The following TENM1 variants were observed in gnomAD, a reference collection of about 807,000 sequenced individuals.
The protein encoded by TENM1 is teneurin-1.
Under a neutral mutation model 174.8 loss-of-function variants are expected in TENM1, and 35 were observed. That is an observed-to-expected ratio of 0.20 (90% CI 0.15 to 0.27). TENM1 has a LOEUF of 0.27. Ranked by LOEUF, TENM1 falls within the 10% of genes least tolerant of loss-of-function variation. The pLI, the probability that TENM1 is intolerant of heterozygous loss-of-function variation, is 1.00. For synonymous variants in TENM1, 781 were observed against 798.7 expected, an observed-to-expected ratio of 0.98 and a Z score of 0.37; for missense variants, 1,633 against 2,130.1, an observed-to-expected ratio of 0.77 and a Z score of 4.59.
chrX:124,380,520 G>A, exon 32 of TENM1: 1 of 1,175,741 alleles, frequency 8.5e-7, no homozygotes, highest in Non-Finnish European at 1.1e-6. Flanking sequence ...GTGACGCAAA[G>A]GCAGAGATAT....
chrX:124,730,935 T>G (rs184120620), intron 4 of TENM1, among the ~76,000 whole-genome samples: 6 of 111,547 alleles, frequency 5.4e-5, no homozygotes. Context: ...TACTCTAATA[T>G]GGAGATGAAT....
intron 18 of TENM1, among the ~76,000 whole-genome samples, chrX:124,505,098 G>A (rs2047417740): frequency 1.8e-5 from 2 of 112,082 alleles, no homozygotes; most frequent in South Asian, 7.4e-4. Context: ...GCTTAGGAGG[G>A]CCCCACACTT....
intron 15 of TENM1, among the ~76,000 whole-genome samples, chrX:124,545,779 C>G (rs1203395969): frequency 9.0e-6 from 1 of 111,715 alleles, no homozygotes; most frequent in East Asian, 2.8e-4. Context: ...AGAAGGAAAA[C>G]TTTGACTAGA....
intron 18 of TENM1, among the ~76,000 whole-genome samples, chrX:124,507,103 G>A (rs2047467963): frequency 1.8e-5 from 2 of 110,698 alleles, no homozygotes; most frequent in African/African-American, 3.3e-5. Context: ...AGGGAGAATA[G>A]TGTAATAGAA....
intron 1 of TENM1, among the ~76,000 whole-genome samples, chrX:124,921,531 G>C (rs1367659360): frequency 9.0e-6 from 1 of 111,595 alleles, no homozygotes; most frequent in Non-Finnish European, 1.9e-5. Context: ...AATGTTATAT[G>C]TTATAAATGT....
At chrX:125,177,215 T>C in the TENM1 span, among the ~76,000 whole-genome samples, 4,268 of 112,256 alleles carry the variant, frequency 0.038, 229 homozygotes, top group African/African-American at 0.13. Context: ...CACAGTGACA[T>C]GCTCAACTAT....
intron 4 of TENM1, among the ~76,000 whole-genome samples, chrX:124,736,177 G>C (rs780397540): frequency 4.5e-5 from 5 of 112,316 alleles, no homozygotes; most frequent in Non-Finnish European, 7.5e-5. Flanking sequence ...TAGAATCTAT[G>C]TTTTATTAGT....
rs73545920 is a variant in TENM1 at position 124,690,646 on chromosome X, G to A, written c.1015+14367C>T. 9.7e-3 allele frequency among the ~76,000 whole-genome samples: 1,067 copies of A among 110,045 alleles called. 13 individuals are homozygous for A. The highest frequency in any genetic ancestry group is 0.034 in the African/African-American group (1,019 of 30,139). On this transcript the variant is annotated intron_variant, in intron 5 of 31. Transcript: ENST00000422452. ...TGGAAAGTGTTTGAGTCATGTGAGTGGATTCCTCATAAATGGTTTCGTGCT... is the reference window on the plus strand; with the variant it reads ...TGGAAAGTGTTTGAGTCATGTGAGTAGATTCCTCATAAATGGTTTCGTGCT...
intron 23 of TENM1, among the ~76,000 whole-genome samples, chrX:124,444,143 T>C (rs1603269068): frequency 8.9e-6 from 1 of 111,942 alleles, no homozygotes; most frequent in Admixed American, 9.5e-5. Flanking sequence ...CCATCAATTT[T>C]ATAATGGATG....
At chrX:124,675,845 G>A (rs781194578) in intron 5 of TENM1, among the ~76,000 whole-genome samples, 1 of 110,225 alleles carries the variant, frequency 9.1e-6, no homozygotes, top group South Asian at 3.9e-4. Context: ...GTCAGAGAAG[G>A]CCTCTTGGAG....
At chrX:124,454,801 T>C (rs954823777) in intron 22 of TENM1, among the ~76,000 whole-genome samples, 2 of 112,396 alleles carry the variant, frequency 1.8e-5, no homozygotes, top group African/African-American at 6.5e-5. Context: ...CTTTTGACAG[T>C]GCTCTTGAAA....
At chrX:124,990,825 G>T in the TENM1 span, among the ~76,000 whole-genome samples, 1 of 111,891 alleles carries the variant, frequency 8.9e-6, no homozygotes, top group African/African-American at 3.2e-5. Flanking sequence ...ACAATTTAAT[G>T]TGAGTGAGGC....
At chrX:124,488,144 T>C (rs2266901) in intron 20 of TENM1, among the ~76,000 whole-genome samples, 9,526 of 111,652 alleles carry the variant, frequency 0.085, 360 homozygotes, top group African/African-American at 0.15. Context: ...CATTTCATGA[T>C]GGGACCTGAT....
At chrX:124,654,259 A>G (rs1430195671) in intron 6 of TENM1, among the ~76,000 whole-genome samples, 1 of 112,393 alleles carries the variant, frequency 8.9e-6, no homozygotes, top group East Asian at 2.8e-4. Context: ...ATCTTCTTGT[A>G]TTTCTCCTTA....
At chrX:124,563,642 TA>T in intron 13 of TENM1, 106 bp downstream of exon 16, 1 of 609,678 alleles carries the variant, frequency 1.6e-6, no homozygotes, top group Non-Finnish European at 2.5e-6. Flanking sequence ...TTGCCAAAAA[TA>T]AAAACAAACA....
intron 26 of TENM1, 92 bp from the exon 30 acceptor site, chrX:124,405,358 G>T (rs2060451711): frequency 1.4e-6 from 1 of 730,109 alleles, no homozygotes. Context: ...AGGCACGTTT[G>T]GGGGATAAGC....
chrX:124,651,206 G>T (rs2051300678), intron 8 of TENM1, among the ~76,000 whole-genome samples: 1 of 111,710 alleles, frequency 9.0e-6, no homozygotes, highest in African/African-American at 3.3e-5. Context: ...AAGGAGCTCA[G>T]CTTTATTCAC....
At chrX:125,203,628 T>C in the TENM1 span, among the ~76,000 whole-genome samples, 91 of 112,662 alleles carry the variant, frequency 8.1e-4, no homozygotes, top group Middle Eastern at 4.6e-3. Context: ...GCGGAGGCTC[T>C]GCCACCTCGG....
At chrX:125,170,051 C>A in the TENM1 span, among the ~76,000 whole-genome samples, 1 of 111,220 alleles carries the variant, frequency 9.0e-6, no homozygotes, top group Non-Finnish European at 1.9e-5. Context: ...TACCAAATGT[C>A]TCCCTCATTG....
Sources: allele counts gnomAD v4.1 joint callset (sites outside exome capture counted in the v4.1 genomes callset), GRCh38; gene constraint gnomAD v4.1.1; transcripts MANE v1.5; gene names NCBI Gene and HGNC (gene_info 2026-07-23, HGNC 2026-07-21).